KCNJ5: variants seen among roughly 807,000 people sequenced by gnomAD.
The protein encoded by KCNJ5 is G protein-activated inward rectifier potassium channel 4.
KCNJ5 carries 12 observed loss-of-function variants against 20.2 expected under a neutral mutation model. That is an observed-to-expected ratio of 0.59 (90% confidence interval 0.38 to 0.96). The LOEUF (loss-of-function observed/expected upper bound fraction) is 0.96, where lower values mean the gene tolerates loss of function less well. Ranked by LOEUF, KCNJ5 falls within the 40% of genes least tolerant of loss-of-function variation. KCNJ5 has a pLI of 0.00. For missense variants in KCNJ5, 449 were observed against 557.6 expected (o/e 0.81, Z 1.96); for synonymous variants, 210 against 213.9 (o/e 0.98, Z 0.16).
chr11:128,911,367 T>C lies in KCNJ5; in HGVS notation c.94T>C (p.Tyr32His). 1 of 1,614,190 alleles carries C rather than the reference T, an allele frequency of 6.2e-7. No homozygotes were observed. Among genetic ancestry groups the C allele is most frequent in the Non-Finnish European group, 8.5e-7 (1 of 1,180,032 alleles). ...GAAGATTCCAAAACAGGCCCGCGAT[T>C]ATGTCCCCATTGCCACAGACCGTAC... ...PKKIPKQARD[Y>H]VPIATDRTRL... The change falls in exon 2 of 3, where the codon TAT becomes CAT. Residue 32 changes from tyrosine (Y) to histidine (H), a missense_variant. Around this residue, in one of 5 missense-constraint regions of KCNJ5, gnomAD observed 203 missense variants for 258.0 expected, o/e 0.79. Coordinates refer to ENST00000529694, the MANE Select transcript of KCNJ5 (RefSeq NM_000890.5). The surrounding 1 kb of genome is among the most constrained non-coding windows in gnomAD (Gnocchi z 6.3).
chr11:128,905,529 C>G (rs868277225), intron 1 of KCNJ5: 21 of 152,088 alleles, frequency 1.4e-4, no homozygotes, highest in African/African-American at 4.8e-4. Context: ...CCTGTCGCAG[C>G]CACCCTCCCC....
At chr11:128,902,837 G>T in intron 1 of KCNJ5, 2 of 1,078,402 alleles carry the variant, frequency 1.9e-6, no homozygotes, top group Non-Finnish European at 1.3e-6. Flanking sequence ...GCCTCTCTCC[G>T]ACTCCCTAGC....
In KCNJ5 at chr11:128,911,241, G is replaced by C. The variant is rs1321645319; in HGVS notation, c.-10-23G>C. On this transcript the variant is annotated intron_variant, in intron 1 of 2. Transcript: ENST00000529694. The surrounding 1 kb of genome is among the most constrained non-coding windows in gnomAD (Gnocchi z 6.3). ...GTGAATCAGAACAGCCCACTTCACTGATGGTGTCTTTTTAACTCAAAGCAT... is the reference window on the plus strand; with the variant it reads ...GTGAATCAGAACAGCCCACTTCACTCATGGTGTCTTTTTAACTCAAAGCAT... 3 of 1,593,102 alleles carry C rather than the reference G, an allele frequency of 1.9e-6. No homozygotes were observed. Among genetic ancestry groups the C allele is most frequent in the Non-Finnish European group, 1.7e-6 (2 of 1,161,506 alleles).
At chr11:128,902,186 T>A (rs1944294306) in intron 1 of KCNJ5, 1 of 235,230 alleles carries the variant, frequency 4.3e-6, no homozygotes, top group Admixed American at 5.1e-5. Flanking sequence ...CTCATTCCAC[T>A]CATCTCGCAC....
At chr11:128,903,291 C>G (rs1397932988) in intron 1 of KCNJ5, 3 of 1,522,592 alleles carry the variant, frequency 2.0e-6, no homozygotes, top group Non-Finnish European at 2.7e-6. Context: ...AGGAGAAAGC[C>G]TACTAATTGC....
rs1283848610 is a variant in KCNJ5 at position 128,891,706 on chromosome 11, G to C, written c.-26G>C. 6.6e-6 allele frequency: 1 copy of C among 152,330 alleles called. No individual in the cohort carries two copies. The highest frequency in any genetic ancestry group is 2.4e-5 in the African/African-American group (1 of 41,456). The allele number at this position is 152,330 out of a possible 1,614,324, so 9.4% of individuals were successfully genotyped here. On this transcript the variant is annotated 5_prime_UTR_variant, in exon 1 of 3. Transcript: ENST00000529694. Reference sequence around the variant, plus strand: ...AAGTTAGCATCAGTGGGACTCGGAAGCTCCGATCTCAACAAGTAAGTTGTC... The same window carrying C: ...AAGTTAGCATCAGTGGGACTCGGAACCTCCGATCTCAACAAGTAAGTTGTC...
rs2282514 is a variant in KCNJ5, at chr11:128,920,736, T to C, written c.*4005T>C. The C allele has an allele frequency of 0.83, 125,652 of 152,242 alleles. 51,942 individuals carry two copies. The highest frequency in any genetic ancestry group is 0.9 in the East Asian group (4,661 of 5,176). 9.4% of individuals were successfully genotyped at this position (152,242 alleles called of 1,614,324 possible). A position where few individuals can be genotyped will look rare whatever the true frequency, so the allele number is the denominator to read the frequency against. On this transcript the variant is annotated 3_prime_UTR_variant, in exon 3 of 3. Coordinates refer to ENST00000529694, the MANE Select transcript of KCNJ5 (RefSeq NM_000890.5). The stretch of plus-strand genomic sequence containing the variant: ...TAAGAGGCATGGCCTTGGTGCCAAG[T>C]GCCTCCCAAACAAACAGCCGGGGCC...
At chr11:128,906,755 C>T (rs1315519980) in intron 1 of KCNJ5, among the ~76,000 whole-genome samples, 1 of 152,218 alleles carries the variant, frequency 6.6e-6, no homozygotes, top group Non-Finnish European at 1.5e-5. Context: ...CCAATCCCTT[C>T]AAAGGGCTTG....
At chr11:128,904,342 T>G (rs7930049) in intron 1 of KCNJ5, 114,864 of 1,561,174 alleles carry the variant, frequency 0.074, 7,030 homozygotes, top group African/African-American at 0.31. Flanking sequence ...CACTCTCTAC[T>G]GCACTGATTT....
intron 1 of KCNJ5, among the ~76,000 whole-genome samples, chr11:128,907,146 C>T (rs1489339736): frequency 6.6e-6 from 1 of 152,176 alleles, no homozygotes; most frequent in African/African-American, 2.4e-5. Flanking sequence ...ATTCCTCTTC[C>T]TCCAACTTCA....
At chr11:128,898,649 C>T (rs923891218) in intron 1 of KCNJ5, among the ~76,000 whole-genome samples, 7 of 152,170 alleles carry the variant, frequency 4.6e-5, no homozygotes, top group Non-Finnish European at 1.0e-4. Context: ...ATCCTTCTTT[C>T]ATTCTCAACT....
Position 128,914,598 on chromosome 11 carries a change from C to T in KCNJ5, c.938-1811C>T, listed in dbSNP as rs190999615. 2.0e-3 allele frequency among the ~76,000 whole-genome samples: 301 copies of T among 152,250 alleles called. 1 individual carries two copies. Among genetic ancestry groups the T allele is most frequent in the African/African-American group, 6.8e-3 (281 of 41,530 alleles). ...CTCAGCTTGAGTAGCACAACTCTGC[C>T]GTATCCTGCCTGAGCGGGTTTGAGC... On this transcript the variant is annotated intron_variant, in intron 2 of 2. Coordinates refer to ENST00000529694, the MANE Select transcript of KCNJ5 (RefSeq NM_000890.5).
At chr11:128,893,111 C>G (rs538878281) in intron 1 of KCNJ5, among the ~76,000 whole-genome samples, 1 of 152,168 alleles carries the variant, frequency 6.6e-6, no homozygotes, top group Admixed American at 6.5e-5. Context: ...ATCTGAGGAA[C>G]GAACAGGGCA....
intron 1 of KCNJ5, chr11:128,901,501 G>A (rs1944275642): frequency 6.6e-6 from 1 of 152,276 alleles, no homozygotes; most frequent in African/African-American, 2.4e-5. Flanking sequence ...AGCAAAAAGA[G>A]TGCAAAGGCC....
At chr11:128,895,441 G>C (rs1944161900) in intron 1 of KCNJ5, among the ~76,000 whole-genome samples, 1 of 147,344 alleles carries the variant, frequency 6.8e-6, no homozygotes, top group African/African-American at 2.5e-5. Flanking sequence ...TGGAACCCTG[G>C]GCAGTGGGAG....
rs11221505 is a variant in KCNJ5, at chr11:128,902,863, G to A, written c.-10-8401G>A. 7.0e-3 allele frequency: 5,751 copies of A among 823,620 alleles called. 189 individuals carry two copies. The African/African-American group carries it at 0.077, about 11-fold the overall frequency. 51.0% of individuals were successfully genotyped at this position (823,620 alleles called of 1,614,324 possible). On this transcript the variant is annotated intron_variant, in intron 1 of 2. Coordinates refer to ENST00000529694, the MANE Select transcript of KCNJ5 (RefSeq NM_000890.5). ...ACTCCCTAGCCCAGAAATACGAACC[G>A]GCAGCTGACAGACTGAATCTGACTC...
intron 1 of KCNJ5, chr11:128,903,482 T>C (rs747230513): frequency 1.2e-5 from 19 of 1,614,014 alleles, no homozygotes; most frequent in Non-Finnish European, 1.6e-5. Flanking sequence ...GAGGAGGTGT[T>C]ACCCTCACTC....
At chr11:128,914,004 G>A (rs374306167) in intron 2 of KCNJ5, among the ~76,000 whole-genome samples, 8 of 152,264 alleles carry the variant, frequency 5.3e-5, no homozygotes, top group East Asian at 1.9e-4. Context: ...GTGGCTGCTC[G>A]GCCATCTGCT....
intron 2 of KCNJ5, 76 bp downstream of exon 2, chr11:128,912,286 A>T: frequency 8.4e-7 from 1 of 1,192,016 alleles, no homozygotes. Context: ...ACTCCAGAAG[A>T]TGCAGGTCTG....
Sources: gnomAD v4.1 joint callset for allele counts (sites outside exome capture counted in the v4.1 genomes callset) on GRCh38, gnomAD v4.1.1 for gene constraint, gnomAD v4.1.1 regional missense constraint, Gnocchi (gnomAD v3.1) non-coding constraint, MANE v1.5 for transcripts, NCBI Gene and HGNC (gene_info 2026-07-23, HGNC 2026-07-21) for gene names.